The following MSRA variants were observed in gnomAD, a reference collection of about 807,000 sequenced individuals.
MSRA encodes the protein mitochondrial peptide methionine sulfoxide reductase.
A neutral mutation model predicts 31.3 loss-of-function variants in MSRA; 54 were observed. The ratio of observed to expected loss-of-function variants is 1.73; its 90% confidence interval spans 1.39 to 2.17. The LOEUF is 2.17. MSRA is among the 30% of genes most tolerant of loss of function. MSRA has a pLI of 0.00. For missense variants in MSRA, 507 were observed against 300.9 expected, an observed-to-expected ratio of 1.69 and a Z score of -5.07; for synonymous variants, 169 against 116.5, an observed-to-expected ratio of 1.45 and a Z score of -2.90.
Position 10,136,115 on chromosome 8 carries a change from G to A in MSRA, c.143-71718G>A, listed in dbSNP as rs149555927. ...ATTTTAAATTTTAGGCCATGAAAGT[G>A]AGTAACACATGGGCTGTAACTTAGA... On this transcript the variant is annotated intron_variant, in intron 1 of 5. Coordinates refer to ENST00000317173, the MANE Select transcript of MSRA (RefSeq NM_012331.5). Among the ~76,000 whole-genome samples the A allele has an allele frequency of 1.7e-3, 266 of 152,210 alleles. 1 individual carries two copies. Among genetic ancestry groups the A allele is most frequent in the African/African-American group, 6.0e-3 (251 of 41,538 alleles).
intron 5 of MSRA, among the ~76,000 whole-genome samples, chr8:10,339,567 A>G (rs1176679783): frequency 9.0e-6 from 1 of 111,344 alleles, no homozygotes; most frequent in African/African-American, 3.6e-5. Flanking sequence ...TCTGAGACGG[A>G]ATCTCGTTCT....
In MSRA at chr8:10,319,900, G is replaced by A. The variant is rs780558371; in HGVS notation, c.454G>A (p.Asp152Asn). 7 of 1,560,674 alleles carry A rather than the reference G, an allele frequency of 4.5e-6. No homozygotes were observed. The highest frequency in any genetic ancestry group is 2.5e-5 in the South Asian group (2 of 80,386). Residue 152 changes from aspartate to asparagine, a missense_variant, in exon 5 of 6, where the codon GAC becomes AAC. Coordinates refer to ENST00000317173, the MANE Select transcript of MSRA (RefSeq NM_012331.5). ...DPTQGMRQGN[D>N]HGTQYRSAIY... The stretch of plus-strand genomic sequence containing the variant: ...TTTCCTAGGTATGCGCCAGGGGAAC[G>A]ACCATGGCACTCAGTACCGCTCGGC...
At chr8:10,290,988 TCAAA>T (rs1800202341) in intron 3 of MSRA, among the ~76,000 whole-genome samples, 2 of 152,100 alleles carry the variant, frequency 1.3e-5, no homozygotes, top group Non-Finnish European at 2.9e-5. Flanking sequence ...AAAATCCAGC[TCAAA>T]GGGTTAGCAT....
intron 5 of MSRA, chr8:10,354,019 C>T (rs1327796328): frequency 4.7e-5 from 8 of 168,962 alleles, no homozygotes; most frequent in African/African-American, 1.9e-4. Context: ...ATTTAGTGCC[C>T]TGCATTGCAG....
intron 5 of MSRA, among the ~76,000 whole-genome samples, chr8:10,425,165 G>T (rs1809065334): frequency 6.6e-6 from 1 of 152,128 alleles, no homozygotes; most frequent in African/African-American, 2.4e-5. Flanking sequence ...GGAGAGTGCT[G>T]GGAAGGACAA....
At chr8:10,276,827 C>A (rs1039223450) in intron 3 of MSRA, among the ~76,000 whole-genome samples, 1 of 152,060 alleles carries the variant, frequency 6.6e-6, no homozygotes, top group African/African-American at 2.4e-5. Flanking sequence ...CCACTTTGAC[C>A]CCACCTCCCC....
intron 1 of MSRA, among the ~76,000 whole-genome samples, chr8:10,060,030 C>G (rs1246142649): frequency 6.6e-6 from 1 of 151,718 alleles, no homozygotes; most frequent in African/African-American, 2.4e-5. Context: ...ATTGGCTCAA[C>G]TCCTATGGAA....
chr8:10,414,964 T>C (rs1808368481), intron 5 of MSRA, among the ~76,000 whole-genome samples: 1 of 152,058 alleles, frequency 6.6e-6, no homozygotes, highest in Non-Finnish European at 1.5e-5. Flanking sequence ...AAAAGAAAAC[T>C]CGTAGAGGAA....
At chr8:10,292,566 G>T (rs552713002) in intron 3 of MSRA, among the ~76,000 whole-genome samples, 1 of 152,232 alleles carries the variant, frequency 6.6e-6, no homozygotes, top group Admixed American at 6.5e-5. Context: ...CCCGGTGGGG[G>T]ACCCCAGGGG....
At chr8:10,184,797 C>T (rs1346696475) in intron 1 of MSRA, among the ~76,000 whole-genome samples, 1 of 152,174 alleles carries the variant, frequency 6.6e-6, no homozygotes, top group Admixed American at 6.5e-5. Flanking sequence ...AGTCGTATAA[C>T]TGACAACTGT....
intron 1 of MSRA, among the ~76,000 whole-genome samples, chr8:10,170,111 C>G (rs1411361629): frequency 6.8e-6 from 1 of 146,812 alleles, no homozygotes; most frequent in African/African-American, 2.5e-5. Context: ...GTCTTGAACT[C>G]CTGACCTCAG....
At chr8:10,061,567 G>A (rs1338153528) in intron 1 of MSRA, among the ~76,000 whole-genome samples, 2 of 152,114 alleles carry the variant, frequency 1.3e-5, no homozygotes, top group East Asian at 1.9e-4. Context: ...TGAGCTCACA[G>A]CACTTCACCA....
chr8:10,349,834 C>G (rs1473103403), intron 5 of MSRA, among the ~76,000 whole-genome samples: 1 of 152,274 alleles, frequency 6.6e-6, no homozygotes, highest in Admixed American at 6.5e-5. Flanking sequence ...ACGGCCACTC[C>G]TGAGTTCTGT....
At chr8:10,125,876 C>T (rs1801462346) in intron 1 of MSRA, among the ~76,000 whole-genome samples, 1 of 147,948 alleles carries the variant, frequency 6.8e-6, no homozygotes, top group Non-Finnish European at 1.5e-5. Context: ...CTTTATTAGG[C>T]TCCTAGTGCC....
intron 4 of MSRA, among the ~76,000 whole-genome samples, chr8:10,317,666 T>C (rs1477591071): frequency 1.3e-5 from 2 of 152,216 alleles, no homozygotes; most frequent in Non-Finnish European, 2.9e-5. Flanking sequence ...CCAGTAATTC[T>C]CTTTCCACTC....
chr8:10,192,815 G>A (rs1163409310), intron 1 of MSRA, among the ~76,000 whole-genome samples: 1 of 152,184 alleles, frequency 6.6e-6, no homozygotes, highest in Non-Finnish European at 1.5e-5. Flanking sequence ...ACTCATTATG[G>A]GCTGAGGAGG....
intron 5 of MSRA, among the ~76,000 whole-genome samples, chr8:10,392,948 G>C (rs1434774468): frequency 4.1e-5 from 6 of 145,832 alleles, no homozygotes; most frequent in African/African-American, 5.1e-5. Flanking sequence ...TATAGTCCCA[G>C]CTACTCGGCA....
At chr8:10,132,729 T>C (rs964775252) in intron 1 of MSRA, among the ~76,000 whole-genome samples, 23 of 152,356 alleles carry the variant, frequency 1.5e-4, no homozygotes, top group African/African-American at 5.5e-4. Flanking sequence ...AAGATACTAA[T>C]TGCTGTTTAT....
At chr8:10,118,078 C>G (rs2129016565) in intron 1 of MSRA, among the ~76,000 whole-genome samples, 2 of 152,340 alleles carry the variant, frequency 1.3e-5, no homozygotes, top group East Asian at 3.9e-4. Flanking sequence ...TGGCGATTTT[C>G]TTTTCCCTGG....
Sources: allele counts gnomAD v4.1 joint callset (sites outside exome capture counted in the v4.1 genomes callset), GRCh38; gene constraint gnomAD v4.1.1; transcripts MANE v1.5; gene names NCBI Gene and HGNC (gene_info 2026-07-23, HGNC 2026-07-21).